Variants in PCDHGA11 observed in about 807,000 individuals in gnomAD.
PCDHGA11 encodes protocadherin gamma subfamily A, 11.
Under a neutral mutation model 60.4 loss-of-function variants are expected in PCDHGA11, and 39 were observed. That is an observed-to-expected ratio of 0.65 (90% confidence interval 0.50 to 0.84). The LOEUF is 0.84. Among genes scored for constraint, PCDHGA11 ranks in the 40% least tolerant of loss-of-function variants. The probability of loss-of-function intolerance (pLI) is 0.00; values close to 1 mark genes in which losing one functional copy is unlikely to be tolerated. For missense variants in PCDHGA11, 1,165 were observed against 1,197.7 expected (o/e 0.97, Z 0.40); for synonymous variants, 533 against 510.3 (o/e 1.04, Z -0.60).
At position 141,511,124 on chromosome 5, in the gene PCDHGA11, C is replaced by G; in HGVS notation, c.2759C>G (p.Ala920Gly). 1.9e-6 allele frequency: 3 copies of G among 1,614,206 alleles called. No individual in the cohort carries two copies. Among genetic ancestry groups the G allele is most frequent in the Non-Finnish European group, 2.5e-6 (3 of 1,180,022 alleles). The change falls in exon 4 of 4, where the codon GCA (alanine) becomes GGA (glycine). Residue 920 changes from alanine to glycine, a missense_variant. Transcript: ENST00000398587. ...AAGKRDGKAP[A>G]GGNGNKKKSG... ...GGCAAGCGGGATGGCAAGGCCCCAG[C>G]AGGTGGCAATGGCAACAAGAAGAAG...
rs1554175372 is a variant in PCDHGA11, at chr5:141,490,827, G to A, written c.2434-3980G>A. ...CCTTTGACTATGAATTGCTGCAGAT[G>A]CTGCAGATTGTGGTGGGGGTTCGAG... On this transcript the variant is annotated intron_variant, in intron 1 of 3. Transcript: ENST00000398587. This position sits in a 1 kb window ranked among gnomAD's most constrained non-coding sequence, Gnocchi z 5.4. 1 of 1,613,744 alleles carries A rather than the reference G, an allele frequency of 6.2e-7. No individual in the cohort carries two copies. Among genetic ancestry groups the A allele is most frequent in the Non-Finnish European group, 8.5e-7 (1 of 1,179,828 alleles).
At position 141,423,043 on chromosome 5, in the gene PCDHGA11, T is replaced by C. The variant is rs940921497; in HGVS notation, c.1816T>C (p.Ser606Pro). 10 of 1,614,058 alleles carry C rather than the reference T, an allele frequency of 6.2e-6. No homozygotes were observed. The Admixed American group carries it at 1.5e-4, about 24-fold the overall frequency. ...DKDSGQNAWL[S>P]YRLLKASEPG... ...AGATTCAGGCCAGAACGCCTGGCTG[T>C]CCTATCGCCTGCTTAAGGCCAGCGA... is the stretch of plus-strand genomic sequence containing the variant. The change falls in exon 1 of 4, where the codon TCC becomes CCC. Residue 606 changes from serine (S) to proline (P), a missense_variant. By Grantham distance (74) the Ser-to-Pro change is moderately conservative. Transcript: ENST00000398587.
chr5:141,495,603 C>T (rs2099762369), intron 2 of PCDHGA11, among the ~76,000 whole-genome samples: 1 of 152,238 alleles, frequency 6.6e-6, no homozygotes, highest in Non-Finnish European at 1.5e-5. Flanking sequence ...TAGCTTCCGT[C>T]TTGATTGCTG....
intron 1 of PCDHGA11, among the ~76,000 whole-genome samples, chr5:141,450,782 C>T (rs1012152203): frequency 2.0e-5 from 3 of 151,350 alleles, no homozygotes; most frequent in East Asian, 1.9e-4. Flanking sequence ...CCACCGTGCC[C>T]GGACCTCATG....
intron 1 of PCDHGA11, among the ~76,000 whole-genome samples, chr5:141,433,513 C>T (rs2097615953): frequency 6.6e-6 from 1 of 152,066 alleles, no homozygotes; most frequent in Non-Finnish European, 1.5e-5. Flanking sequence ...GGATTACAGG[C>T]GTGAACCACA....
intron 1 of PCDHGA11, among the ~76,000 whole-genome samples, chr5:141,468,962 C>T (rs2099187487): frequency 6.7e-6 from 1 of 148,782 alleles, no homozygotes; most frequent in Non-Finnish European, 1.5e-5. Context: ...GTTTTTTTTA[C>T]CTTAGGCTTT....
intron 3 of PCDHGA11, among the ~76,000 whole-genome samples, chr5:141,505,999 G>A (rs891447053): frequency 1.3e-5 from 2 of 152,172 alleles, no homozygotes; most frequent in African/African-American, 4.8e-5. Flanking sequence ...TTTATGCGAG[G>A]CTCCTCTTTT....
rs141095222 is a variant in PCDHGA11, at chr5:141,496,668, C to T, written c.2492+1803C>T. Reference sequence around the variant, plus strand: ...CCCTTCCTTTGACCCCAGCTGTTGTCCTTCTCCCTGCTGGCCTTGCCAACC... The same window carrying T: ...CCCTTCCTTTGACCCCAGCTGTTGTTCTTCTCCCTGCTGGCCTTGCCAACC... On this transcript the variant is annotated intron_variant, in intron 2 of 3. Coordinates refer to ENST00000398587, the MANE Select transcript of PCDHGA11 (RefSeq NM_018914.3). Among the ~76,000 whole-genome samples the T allele has an allele frequency of 1.3e-3, 204 of 152,328 alleles. 1 individual carries two copies. The highest frequency in any genetic ancestry group is 5.6e-3 in the Admixed American group (85 of 15,298).
At chr5:141,450,006 CTTT>C (rs1554136305) in intron 1 of PCDHGA11, among the ~76,000 whole-genome samples, 9 of 132,974 alleles carry the variant, frequency 6.8e-5, no homozygotes, top group Admixed American at 7.8e-5. Context: ...TGCCATGTCT[CTTT>C]TTTTTTTTTT....
intron 1 of PCDHGA11, chr5:141,428,361 C>T (rs1285334430): frequency 9.0e-6 from 5 of 556,646 alleles, no homozygotes; most frequent in South Asian, 7.5e-5. Context: ...TTTTGGCGGT[C>T]GCCTTGCACC....
chr5:141,485,786 C>A lies in PCDHGA11; in HGVS notation c.2434-9021C>A. On this transcript the variant is annotated intron_variant, in intron 1 of 3. Transcript: ENST00000398587. This position sits in a 1 kb window ranked among gnomAD's most constrained non-coding sequence, Gnocchi z 5.7. ...GGAGAAGCCTTTGGATCGAGAGAAG[C>A]AATCGGACTACCGCCTGGTGCTGAC... 1 of 1,614,208 alleles carries A rather than the reference C, an allele frequency of 6.2e-7. No individual in the cohort carries two copies. The highest frequency in any genetic ancestry group is 1.3e-5 in the African/African-American group (1 of 75,062).
In PCDHGA11 at chr5:141,450,032, G is replaced by A. The variant is rs146567243; in HGVS notation, c.2433+26372G>A. Among the ~76,000 whole-genome samples the A allele has an allele frequency of 4.6e-3, 607 of 131,666 alleles. 4 individuals are homozygous for A. The highest frequency in any genetic ancestry group is 0.017 in the African/African-American group (550 of 33,158). The allele number at this position is 131,666 out of a possible 152,430, so 86.4% of individuals were successfully genotyped here. A position where few individuals can be genotyped will look rare whatever the true frequency, so the allele number is the denominator to read the frequency against. On this transcript the variant is annotated intron_variant, in intron 1 of 3. Transcript: ENST00000398587. ...TTTTTTTTTTTTTTTTTTGAGACAG[G>A]GTCTCACTCTTTCGCCCAGGCTGGA... is the stretch of plus-strand genomic sequence containing the variant.
intron 1 of PCDHGA11, among the ~76,000 whole-genome samples, chr5:141,444,253 C>T (rs2154560603): frequency 7.0e-6 from 1 of 142,690 alleles, no homozygotes; most frequent in South Asian, 2.3e-4. Flanking sequence ...CTCACTGCAA[C>T]CTCCGCCTCC....
chr5:141,454,796 ATTTTTTTTTTTTTTTTTT>A (rs61612330), intron 1 of PCDHGA11, among the ~76,000 whole-genome samples: 1 of 77,408 alleles, frequency 1.3e-5, no homozygotes, highest in Non-Finnish European at 2.3e-5. Flanking sequence ...CATGGTTCTA[ATTTTTTTTTTTTTTTTTT>A]TTTTTTTTTT....
chr5:141,446,458 G>A (rs2098502933), intron 1 of PCDHGA11, among the ~76,000 whole-genome samples: 1 of 151,662 alleles, frequency 6.6e-6, no homozygotes, highest in African/African-American at 2.4e-5. Flanking sequence ...TATTCAGTGT[G>A]TGATTAGACA....
chr5:141,479,057 T>A (rs2099487107), intron 1 of PCDHGA11, among the ~76,000 whole-genome samples: 1 of 152,234 alleles, frequency 6.6e-6, no homozygotes, highest in East Asian at 1.9e-4. Context: ...TCTCAGATAA[T>A]TTTTTATGAA....
At chr5:141,468,960 T>TC (rs1562019766) in intron 1 of PCDHGA11, among the ~76,000 whole-genome samples, 1 of 151,348 alleles carries the variant, frequency 6.6e-6, no homozygotes, top group African/African-American at 2.4e-5. Flanking sequence ...TGGTTTTTTT[T>TC]ACCTTAGGCT....
Position 141,491,057 on chromosome 5 carries a change from CCTA to C in PCDHGA11, c.2434-3747_2434-3745del. On this transcript the variant is annotated intron_variant, in intron 1 of 3. Coordinates refer to ENST00000398587, the MANE Select transcript of PCDHGA11 (RefSeq NM_018914.3). The surrounding 1 kb of genome is among the most constrained non-coding windows in gnomAD (Gnocchi z 6.9). ...GATGCAGGCCACAATGCGTGGCTCTCCTACTCACTGTTGCCACAGTCCACAGCC... is the reference window on the plus strand; with the variant it reads ...GATGCAGGCCACAATGCGTGGCTCTCCTCACTGTTGCCACAGTCCACAGCC... 6.2e-7 allele frequency: 1 copy of C among 1,614,208 alleles called. No homozygotes were observed. The highest frequency in any genetic ancestry group is 8.5e-7 in the Non-Finnish European group (1 of 1,180,022).
chr5:141,431,921 G>A lies in PCDHGA11; in HGVS notation c.2433+8261G>A. The A allele has an allele frequency of 1.9e-6, 3 of 1,614,142 alleles. No homozygotes were observed. Among genetic ancestry groups the A allele is most frequent in the South Asian group, 2.2e-5 (2 of 91,084 alleles). On this transcript the variant is annotated intron_variant, in intron 1 of 3. Transcript: ENST00000398587. The surrounding 1 kb of genome is among the most constrained non-coding windows in gnomAD (Gnocchi z 4.8). ...CGGACAGGTGATCTGTTTCATCCAA[G>A]GAAATCTGCCCTTTAAATTAGAAAA...
Sources: allele counts gnomAD v4.1 joint callset (sites outside exome capture counted in the v4.1 genomes callset), GRCh38; gene constraint gnomAD v4.1.1; non-coding constraint Gnocchi (gnomAD v3.1); transcripts MANE v1.5; gene names NCBI Gene and HGNC (gene_info 2026-07-23, HGNC 2026-07-21).